The following PARD3B variants were observed in gnomAD, a reference collection of about 807,000 sequenced individuals.
PARD3B encodes the protein partitioning defective 3 homolog B.
PARD3B carries 103 observed loss-of-function variants against 130.2 expected under a neutral mutation model. That is an observed-to-expected ratio of 0.79 (90% CI 0.67 to 0.93). The LOEUF (loss-of-function observed/expected upper bound fraction) is 0.93. Among genes scored for constraint, PARD3B ranks in the 40% least tolerant of loss-of-function variants. The probability of loss-of-function intolerance (pLI) is 0.00; values close to 1 mark genes in which losing one functional copy is unlikely to be tolerated. For missense variants in PARD3B, 1,609 were observed against 1,499.2 expected, an observed-to-expected ratio of 1.07 and a Z score of -1.21; for synonymous variants, 583 against 553.2, an observed-to-expected ratio of 1.05 and a Z score of -0.76.
rs2055426190 is a variant in PARD3B at position 205,616,137 on chromosome 2, G to A, written c.*324G>A. ...AACTAATTATGGAACTCTACTCTGG[G>A]GATCCTCTCTGGCTAGATAACCTGT... On this transcript the variant is annotated 3_prime_UTR_variant, in exon 23 of 23. Coordinates refer to ENST00000406610, the MANE Select transcript of PARD3B (RefSeq NM_001302769.2). 6.8e-6 allele frequency: 2 copies of A among 293,314 alleles called. No homozygotes were observed. Among genetic ancestry groups the A allele is most frequent in the African/African-American group, 4.4e-5 (2 of 45,718 alleles). The allele number at this position is 293,314 out of a possible 1,614,324, so 18.2% of individuals were successfully genotyped here.
chr2:205,233,137 C>CG (rs1207657709), intron 15 of PARD3B, among the ~76,000 whole-genome samples: 1 of 151,824 alleles, frequency 6.6e-6, no homozygotes, highest in Admixed American at 6.6e-5. Context: ...AAAAACAGGA[C>CG]GACACATTTC....
At chr2:204,607,435 G>A (rs2125111987) in intron 1 of PARD3B, among the ~76,000 whole-genome samples, 1 of 152,236 alleles carries the variant, frequency 6.6e-6, no homozygotes, top group Admixed American at 6.5e-5. Context: ...GGCAAGTAAA[G>A]GACCTTCGAT....
intron 2 of PARD3B, among the ~76,000 whole-genome samples, chr2:204,696,963 C>T (rs952183172): frequency 6.6e-6 from 1 of 151,950 alleles, no homozygotes; most frequent in Non-Finnish European, 1.5e-5. Context: ...CAACCAAAAC[C>T]ATGTTACAAT....
chr2:204,574,177 T>C (rs1431750570), intron 1 of PARD3B, among the ~76,000 whole-genome samples: 1 of 152,206 alleles, frequency 6.6e-6, no homozygotes, highest in South Asian at 2.1e-4. Flanking sequence ...TTAAGAACCA[T>C]GATATCAGAA....
intron 21 of PARD3B, among the ~76,000 whole-genome samples, chr2:205,548,260 T>G (rs775161488): frequency 7.2e-5 from 11 of 152,134 alleles, no homozygotes; most frequent in Non-Finnish European, 1.5e-4. Context: ...ATCTGTATGC[T>G]GAACGTTTCC....
chr2:205,302,052 T>C (rs1333383777), intron 18 of PARD3B: 1 of 492,870 alleles, frequency 2.0e-6, no homozygotes, highest in Non-Finnish European at 3.5e-6. Context: ...ATTCTTTTTT[T>C]CTTTTTTCTT....
intron 10 of PARD3B, among the ~76,000 whole-genome samples, chr2:205,137,340 A>G (rs2032572492): frequency 6.6e-6 from 1 of 152,346 alleles, no homozygotes; most frequent in South Asian, 2.1e-4. Context: ...AATAACGAAC[A>G]TCTTTCCGAA....
At chr2:204,998,460 TATATATGTATATATATGTGTATATA>T (rs746493283) in intron 3 of PARD3B, among the ~76,000 whole-genome samples, 7 of 78,284 alleles carry the variant, frequency 8.9e-5, no homozygotes, top group African/African-American at 3.2e-4. Flanking sequence ...ATGTGTATAT[TATATATGTATATATATGTGTATATA>T]ATATATGTAT....
intron 2 of PARD3B, among the ~76,000 whole-genome samples, chr2:204,743,770 C>G (rs142392332): frequency 6.6e-6 from 1 of 152,226 alleles, no homozygotes; most frequent in African/African-American, 2.4e-5. Flanking sequence ...CAGATATCCT[C>G]TCTATGGTGA....
At chr2:204,585,773 C>T (rs907439264) in intron 1 of PARD3B, among the ~76,000 whole-genome samples, 1 of 152,074 alleles carries the variant, frequency 6.6e-6, no homozygotes, top group Admixed American at 6.6e-5. Context: ...CTCTCCCATT[C>T]AACATGTTTA....
At chr2:205,066,213 C>A (rs1292278958) in intron 4 of PARD3B, among the ~76,000 whole-genome samples, 4 of 152,164 alleles carry the variant, frequency 2.6e-5, no homozygotes, top group Non-Finnish European at 5.9e-5. Flanking sequence ...TAATCTTAAT[C>A]TGATTGTGTT....
intron 2 of PARD3B, among the ~76,000 whole-genome samples, chr2:204,831,169 T>C (rs2043804243): frequency 6.6e-6 from 1 of 152,188 alleles, no homozygotes. Context: ...ATTTAAATTT[T>C]TTGCTTGAAC....
chr2:205,066,278 T>A (rs1316972122), intron 4 of PARD3B, among the ~76,000 whole-genome samples: 1 of 152,164 alleles, frequency 6.6e-6, no homozygotes, highest in African/African-American at 2.4e-5. Context: ...GTCCTGACAT[T>A]TGGTCGCATG....
intron 22 of PARD3B, among the ~76,000 whole-genome samples, chr2:205,602,672 A>T (rs188124609): frequency 1.6e-4 from 25 of 152,278 alleles, no homozygotes; most frequent in South Asian, 4.1e-4. Flanking sequence ...TGTTTATAGC[A>T]TTCTGATGGT....
rs149549769 is a variant in PARD3B, at chr2:205,002,982, G to A, written c.394+37659G>A. 3.5e-4 allele frequency among the ~76,000 whole-genome samples: 53 copies of A among 152,318 alleles called. No homozygotes were observed. In the East Asian group the frequency reaches 6.8e-3, roughly 19 times the overall value. On this transcript the variant is annotated intron_variant, in intron 3 of 22. Transcript: ENST00000406610. ...ACAACACCCAGCACTTGCACTGGTCGAAGGTTGTTCCAGGCTGATGTGGAG... is the reference window on the plus strand; with the variant it reads ...ACAACACCCAGCACTTGCACTGGTCAAAGGTTGTTCCAGGCTGATGTGGAG...
rs186178198 is a variant in PARD3B, at chr2:205,268,477, T to G, written c.2185+22655T>G. Among the ~76,000 whole-genome samples the G allele has an allele frequency of 2.6e-5, 4 of 152,268 alleles. No individual in the cohort carries two copies. Among genetic ancestry groups the G allele is most frequent in the East Asian group, 3.9e-4 (2 of 5,168 alleles). ...ACATTACTGGTCAGCCCTCTTAAGA[T>G]TCTATGCTTCTCTGGGTGTTAAAAG... On this transcript the variant is annotated intron_variant, in intron 16 of 22. Transcript: ENST00000406610. The surrounding 1 kb of genome is among the most constrained non-coding windows in gnomAD (Gnocchi z 4.1).
intron 2 of PARD3B, among the ~76,000 whole-genome samples, chr2:204,934,464 G>A (rs1036356259): frequency 1.3e-5 from 2 of 152,164 alleles, no homozygotes; most frequent in Non-Finnish European, 2.9e-5. Context: ...CTGGTTTTCA[G>A]ATATGCACCT....
rs528826888 is a variant in PARD3B at position 205,496,812 on chromosome 2, C to CT, written c.3045-3072dup. ...TTAGAAAACAGTGCTTTATCAGTTT[C>CT]TTTTTTTTTTTTCTTTATTACTGAT... On this transcript the variant is annotated intron_variant, in intron 20 of 22. Transcript: ENST00000406610. Among the ~76,000 whole-genome samples the CT allele has an allele frequency of 8.5e-3, 1,235 of 145,916 alleles. 10 individuals are homozygous for CT. The highest frequency in any genetic ancestry group is 0.027 in the African/African-American group (1,076 of 39,946).
chr2:205,540,151 G>T (rs1220286815), intron 21 of PARD3B, among the ~76,000 whole-genome samples: 1 of 151,454 alleles, frequency 6.6e-6, no homozygotes, highest in African/African-American at 2.4e-5. Context: ...CTGATTTTTT[G>T]TTGTTGTTGT....
Sources: gnomAD v4.1 joint callset for allele counts (sites outside exome capture counted in the v4.1 genomes callset) on GRCh38, gnomAD v4.1.1 for gene constraint, Gnocchi (gnomAD v3.1) non-coding constraint, MANE v1.5 for transcripts, NCBI Gene and HGNC (gene_info 2026-07-23, HGNC 2026-07-21) for gene names.